FREM3: variants seen among roughly 807,000 people sequenced by gnomAD.
FREM3 encodes FRAS1 related extracellular matrix 3, also known as FRAS1-related extracellular matrix protein 3.
A neutral mutation model predicts 129.1 loss-of-function variants in FREM3; 105 were observed. The ratio of observed to expected loss-of-function variants is 0.81; its 90% CI spans 0.69 to 0.96. The LOEUF is 0.96. Among genes scored for constraint, FREM3 ranks in the 40% least tolerant of loss-of-function variants. FREM3 has a pLI of 0.00. For missense variants in FREM3, 2,593 were observed against 2,666.3 expected (o/e 0.97, Z 0.61); for synonymous variants, 1,014 against 1,044.9 (o/e 0.97, Z 0.57).
At position 143,627,657 on chromosome 4, in the gene FREM3, C is replaced by A. The variant is rs1218194837; in HGVS notation, c.5379G>T (p.Val1793=). The A allele has an allele frequency of 6.5e-7, 1 of 1,535,788 alleles. No homozygotes were observed. Among genetic ancestry groups the A allele is most frequent in the East Asian group, 2.4e-5 (1 of 40,878 alleles). ...CAAGGTATCCTCTGCGTGTAAGGGT[C>A]ACTTCTAAGAATGTGGAATCTTCAT... The part of the protein sequence containing the change: ...IVDEDSTFLE[V]TLTRRGYLGE... Residue 1793 remains valine (V), a synonymous_variant, in exon 3 of 8, where the codon GTG becomes GTT. Coordinates refer to ENST00000329798, the MANE Select transcript of FREM3 (RefSeq NM_001168235.2).
At chr4:143,688,259 T>C (rs564297024) in intron 2 of FREM3, among the ~76,000 whole-genome samples, 1 of 152,100 alleles carries the variant, frequency 6.6e-6, no homozygotes, top group African/African-American at 2.4e-5. Context: ...CAACCCCTTT[T>C]AAAATAGCTG....
At chr4:143,578,381 C>T (rs551854075) in intron 7 of FREM3, among the ~76,000 whole-genome samples, 8 of 151,676 alleles carry the variant, frequency 5.3e-5, no homozygotes, top group South Asian at 2.1e-4. Context: ...AGCTTCTTTG[C>T]GACTTATTTG....
At chr4:143,676,612 G>T (rs1323846261) in intron 2 of FREM3, among the ~76,000 whole-genome samples, 1 of 152,184 alleles carries the variant, frequency 6.6e-6, no homozygotes, top group Non-Finnish European at 1.5e-5. Flanking sequence ...GTCCCTGTTT[G>T]CAGATGACAT....
intron 6 of FREM3, among the ~76,000 whole-genome samples, chr4:143,592,716 A>G (rs1306232773): frequency 1.3e-5 from 2 of 152,088 alleles, no homozygotes; most frequent in Non-Finnish European, 2.9e-5. Context: ...ACAATTATGT[A>G]TCTTGGAGTT....
At chr4:143,648,472 C>T (rs1210010819) in intron 2 of FREM3, among the ~76,000 whole-genome samples, 3 of 152,040 alleles carry the variant, frequency 2.0e-5, no homozygotes, top group Non-Finnish European at 4.4e-5. Flanking sequence ...TGTAATAATC[C>T]CCATGTGTCA....
intron 2 of FREM3, among the ~76,000 whole-genome samples, chr4:143,664,882 C>T (rs1739825423): frequency 6.6e-6 from 1 of 152,158 alleles, no homozygotes; most frequent in African/African-American, 2.4e-5. Flanking sequence ...GGGCGTAGGA[C>T]CCTCCAAGTC....
chr4:143,588,292 T>C (rs1738279533), intron 6 of FREM3, among the ~76,000 whole-genome samples: 1 of 152,192 alleles, frequency 6.6e-6, no homozygotes. Context: ...GTGCACAATG[T>C]ACAGGTTTGT....
chr4:143,668,010 A>G (rs970777288), intron 2 of FREM3, among the ~76,000 whole-genome samples: 6 of 152,266 alleles, frequency 3.9e-5, no homozygotes, highest in Non-Finnish European at 7.3e-5. Context: ...AAAGTTGCTT[A>G]TTATAACTTA....
chr4:143,658,641 T>G (rs1739642427), intron 2 of FREM3, among the ~76,000 whole-genome samples: 1 of 152,214 alleles, frequency 6.6e-6, no homozygotes, highest in African/African-American at 2.4e-5. Flanking sequence ...CTGGGCGGCA[T>G]GCGGCCCAGG....
chr4:143,623,517 G>A (rs1443311043), intron 4 of FREM3, among the ~76,000 whole-genome samples: 1 of 132,498 alleles, frequency 7.5e-6, no homozygotes, highest in African/African-American at 2.9e-5. Context: ...CACCATTTAG[G>A]GAATATTCTT....
intron 6 of FREM3, among the ~76,000 whole-genome samples, chr4:143,588,133 G>A (rs1233811284): frequency 6.6e-6 from 1 of 152,132 alleles, no homozygotes; most frequent in Non-Finnish European, 1.5e-5. Context: ...CATTGCAGGT[G>A]GCACACATCA....
At position 143,606,962 on chromosome 4, in the gene FREM3, G is replaced by C. The variant is rs1032328633; in HGVS notation, c.6028+4317C>G. Among the ~76,000 whole-genome samples the C allele has an allele frequency of 3.9e-5, 6 of 152,164 alleles. No individual in the cohort carries two copies. In the East Asian group the frequency reaches 1.2e-3, roughly 29 times the overall value. ...ATTTTCTTAAGTTCGAACCTGAGTT[G>C]CAATGGCTGAAAGTTATTATTAATA... On this transcript the variant is annotated intron_variant, in intron 6 of 7. Transcript: ENST00000329798.
At chr4:143,601,495 T>TG (rs1488184128) in intron 6 of FREM3, among the ~76,000 whole-genome samples, 1 of 152,204 alleles carries the variant, frequency 6.6e-6, no homozygotes, top group African/African-American at 2.4e-5. Flanking sequence ...TACTAAAAAT[T>TG]GAAAGAAAGT....
At chr4:143,610,625 G>A (rs1738739662) in intron 6 of FREM3, among the ~76,000 whole-genome samples, 1 of 152,172 alleles carries the variant, frequency 6.6e-6, no homozygotes, top group Non-Finnish European at 1.5e-5. Context: ...TAATAAAACA[G>A]TCTGATCCTG....
At position 143,695,749 on chromosome 4, in the gene FREM3, G is replaced by A. The variant is rs1386505121; in HGVS notation, c.4927C>T (p.His1643Tyr). The A allele has an allele frequency of 1.3e-6, 2 of 1,537,296 alleles. No homozygotes were observed. Among genetic ancestry groups the A allele is most frequent in the Non-Finnish European group, 8.7e-7 (1 of 1,146,928 alleles). ...TGGACCCTCATTACTTGAGGTTTGT[G>A]TGTCGCCAGGGCAGTGTCTGGTAGG... The part of the protein sequence containing the change: ...YVLPDTALAT[H>Y]KPQVMRVQIR... The change falls in exon 1 of 8, where the codon CAC (histidine) becomes TAC (tyrosine). Residue 1643 changes from histidine (H) to tyrosine (Y), a missense_variant. His to Tyr is a moderately conservative substitution (Grantham distance 83). Transcript: ENST00000329798.
chr4:143,623,264 C>A (rs947394529), intron 4 of FREM3, among the ~76,000 whole-genome samples: 1 of 152,058 alleles, frequency 6.6e-6, no homozygotes, highest in African/African-American at 2.4e-5. Flanking sequence ...GGAATAGTTC[C>A]TAGACTTGTT....
chr4:143,607,098 T>C (rs750055235), intron 6 of FREM3, among the ~76,000 whole-genome samples: 6 of 152,176 alleles, frequency 3.9e-5, no homozygotes, highest in Admixed American at 2.0e-4. Flanking sequence ...TCCTGACACA[T>C]GGTAGGGGCT....
intron 3 of FREM3, among the ~76,000 whole-genome samples, chr4:143,625,861 A>G (rs549026958): frequency 5.3e-5 from 8 of 152,306 alleles, no homozygotes; most frequent in Non-Finnish European, 1.2e-4. Flanking sequence ...CTTCTTGAGC[A>G]TTGGCGGTAT....
At chr4:143,627,862 C>A in intron 2 of FREM3, 102 bp from the exon 3 acceptor site, 1 of 726,078 alleles carries the variant, frequency 1.4e-6, no homozygotes, top group South Asian at 1.9e-5. Flanking sequence ...GGTTTCAAAA[C>A]ATACTCGTTT....
Sources: allele counts gnomAD v4.1 joint callset (sites outside exome capture counted in the v4.1 genomes callset), GRCh38; gene constraint gnomAD v4.1.1; transcripts MANE v1.5; gene names NCBI Gene and HGNC (gene_info 2026-07-23, HGNC 2026-07-21).